SLC4A10: variants seen among roughly 807,000 people sequenced by gnomAD.
The protein encoded by SLC4A10 is solute carrier family 4 member 10.
Under a neutral mutation model 137.7 loss-of-function variants are expected in SLC4A10, and 42 were observed. That is an observed-to-expected ratio of 0.30 (90% CI 0.24 to 0.39). The LOEUF is 0.39. SLC4A10 is among the 10% of genes least tolerant of loss of function. The pLI, the probability that SLC4A10 is intolerant of heterozygous loss-of-function variation, is 1.00. For synonymous variants in SLC4A10, 474 were observed against 464.1 expected (o/e 1.02, Z -0.27); for missense variants, 925 against 1,355.0 (o/e 0.68, Z 4.98).
chr2:161,793,077 TA>T (rs2054377336), intron 2 of SLC4A10, among the ~76,000 whole-genome samples: 1 of 152,140 alleles, frequency 6.6e-6, no homozygotes, highest in Non-Finnish European at 1.5e-5. Flanking sequence ...ATTCTGAGAT[TA>T]CTATTTTGAA....
chr2:161,771,069 C>G lies in SLC4A10; in HGVS notation c.130+15C>G. 1 of 1,545,754 alleles carries G rather than the reference C, an allele frequency of 6.5e-7. No individual in the cohort carries two copies. The highest frequency in any genetic ancestry group is 8.9e-7 in the Non-Finnish European group (1 of 1,127,892). ...AGATTTAGAAGGTAAGACCATTTTT[C>G]TTGGGATAGCTATTGGTGTGCTTTC... On this transcript the variant is annotated intron_variant, in intron 2 of 26. Transcript: ENST00000446997.
intron 1 of SLC4A10, among the ~76,000 whole-genome samples, chr2:161,686,265 G>C (rs988167429): frequency 2.0e-5 from 3 of 152,070 alleles, no homozygotes; most frequent in African/African-American, 7.2e-5. Context: ...AAAGCACATT[G>C]TTATGTTCTT....
chr2:161,823,873 G>GT (rs1260113142), intron 3 of SLC4A10, among the ~76,000 whole-genome samples: 4 of 152,110 alleles, frequency 2.6e-5, no homozygotes, highest in African/African-American at 9.7e-5. Flanking sequence ...GCTAACTACT[G>GT]TTTTTTGGCA....
Position 161,648,516 on chromosome 2 carries a change from A to T in SLC4A10, c.48+23950A>T, listed in dbSNP as rs1436778702. ...TGATAAATAGGACCAAATGTTCTTTAAAAACAATAAATTCCAAATATTTGA... is the reference window on the plus strand; with the variant it reads ...TGATAAATAGGACCAAATGTTCTTTTAAAACAATAAATTCCAAATATTTGA... On this transcript the variant is annotated intron_variant, in intron 1 of 26. Transcript: ENST00000446997. 3.3e-5 allele frequency among the ~76,000 whole-genome samples: 5 copies of T among 152,310 alleles called. No homozygotes were observed. In the East Asian group the frequency reaches 9.6e-4, roughly 29 times the overall value.
At chr2:161,794,589 C>A (rs997008929) in intron 2 of SLC4A10, among the ~76,000 whole-genome samples, 3 of 151,968 alleles carry the variant, frequency 2.0e-5, no homozygotes, top group African/African-American at 7.3e-5. Context: ...AATATACTAG[C>A]CTTATTGAGG....
intron 1 of SLC4A10, among the ~76,000 whole-genome samples, chr2:161,648,330 C>T (rs564388411): frequency 1.3e-5 from 2 of 151,990 alleles, no homozygotes; most frequent in Non-Finnish European, 2.9e-5. Context: ...CCCCTTCATT[C>T]GAATATTTAT....
At chr2:161,724,229 G>A (rs1333842048) in intron 1 of SLC4A10, among the ~76,000 whole-genome samples, 1 of 152,144 alleles carries the variant, frequency 6.6e-6, no homozygotes, top group Non-Finnish European at 1.5e-5. Flanking sequence ...TGAGCTGCCA[G>A]AGTACTCCTT....
At chr2:161,636,112 G>C (rs191768289) in intron 1 of SLC4A10, among the ~76,000 whole-genome samples, 7 of 152,198 alleles carry the variant, frequency 4.6e-5, no homozygotes, top group African/African-American at 1.7e-4. Context: ...ATACTCATCA[G>C]ACATGTTATA....
chr2:161,871,126 G>A (rs576856126), intron 6 of SLC4A10, among the ~76,000 whole-genome samples: 27 of 151,956 alleles, frequency 1.8e-4, no homozygotes, highest in African/African-American at 5.5e-4. Flanking sequence ...GGGTTTTCAG[G>A]AGAGAATTTA....
intron 3 of SLC4A10, among the ~76,000 whole-genome samples, chr2:161,838,249 A>T (rs1421666838): frequency 6.6e-6 from 1 of 151,200 alleles, no homozygotes; most frequent in Non-Finnish European, 1.5e-5. Context: ...AAATGGTATG[A>T]TATTGGAACA....
At chr2:161,720,360 A>G (rs1233066730) in intron 1 of SLC4A10, among the ~76,000 whole-genome samples, 3 of 152,086 alleles carry the variant, frequency 2.0e-5, no homozygotes, top group Non-Finnish European at 1.5e-5. Flanking sequence ...TTGGCTTAGG[A>G]TTGACTTGGT....
chr2:161,636,566 T>A (rs901169802), intron 1 of SLC4A10, among the ~76,000 whole-genome samples: 8 of 151,950 alleles, frequency 5.3e-5, no homozygotes, highest in African/African-American at 1.9e-4. Flanking sequence ...CTGGCTAATT[T>A]TTTTTGTATT....
At chr2:161,982,322 A>G (rs190489029) in intron 26 of SLC4A10, among the ~76,000 whole-genome samples, 2 of 152,272 alleles carry the variant, frequency 1.3e-5, no homozygotes, top group South Asian at 2.1e-4. Context: ...TCTCTGGAAC[A>G]TGGTGTGAAC....
At chr2:161,843,061 C>T (rs1481130655) in intron 4 of SLC4A10, among the ~76,000 whole-genome samples, 5 of 152,096 alleles carry the variant, frequency 3.3e-5, no homozygotes, top group African/African-American at 1.2e-4. Context: ...TCCTTCTTTA[C>T]CCTCATACTA....
intron 1 of SLC4A10, among the ~76,000 whole-genome samples, chr2:161,768,820 G>T (rs2125407080): frequency 6.6e-6 from 1 of 151,958 alleles, no homozygotes; most frequent in African/African-American, 2.4e-5. Flanking sequence ...TCCTGCCTGG[G>T]ATCTAATTAT....
chr2:161,815,659 G>T (rs996749058), intron 3 of SLC4A10, among the ~76,000 whole-genome samples: 1 of 152,100 alleles, frequency 6.6e-6, no homozygotes, highest in African/African-American at 2.4e-5. Flanking sequence ...AATTATTGAT[G>T]CTAGGCTTCA....
chr2:161,884,596 G>A (rs900581187), intron 10 of SLC4A10, among the ~76,000 whole-genome samples: 1 of 152,140 alleles, frequency 6.6e-6, no homozygotes, highest in Non-Finnish European at 1.5e-5. Flanking sequence ...TGAAATTTGA[G>A]CATAAGCATC....
intron 1 of SLC4A10, among the ~76,000 whole-genome samples, chr2:161,716,161 T>G (rs1224691228): frequency 5.2e-5 from 7 of 135,060 alleles, no homozygotes; most frequent in African/African-American, 1.9e-4. Flanking sequence ...TCATGTCCTT[T>G]GCCCACTTTT....
intron 2 of SLC4A10, among the ~76,000 whole-genome samples, chr2:161,802,217 T>C (rs977112342): frequency 6.6e-6 from 1 of 152,082 alleles, no homozygotes; most frequent in Non-Finnish European, 1.5e-5. Context: ...TCTATAATTA[T>C]TTTTAGGATT....
Sources: allele counts gnomAD v4.1 joint callset (sites outside exome capture counted in the v4.1 genomes callset), GRCh38; gene constraint gnomAD v4.1.1; transcripts MANE v1.5; gene names NCBI Gene and HGNC (gene_info 2026-07-23, HGNC 2026-07-21).